NIT2: variants seen among roughly 807,000 people sequenced by gnomAD.
NIT2 encodes the protein omega-amidase NIT2.
A neutral mutation model predicts 42.7 loss-of-function variants in NIT2; 46 were observed. The ratio of observed to expected loss-of-function variants is 1.08; its 90% CI spans 0.85 to 1.38. The LOEUF is 1.38. NIT2 is among the 40% of genes most tolerant of loss of function. NIT2 has a pLI of 0.00. For synonymous variants in NIT2, 123 were observed against 121.9 expected (o/e 1.01, Z -0.06); for missense variants, 309 against 342.5 (o/e 0.90, Z 0.77).
chr3:100,334,850 T>A, intron 1 of NIT2, 52 bp downstream of exon 1: 2 of 1,290,900 alleles, frequency 1.5e-6, no homozygotes, highest in Non-Finnish European at 9.8e-7. Context: ...CGGGGGAGGC[T>A]TTGGAGCGGC....
In NIT2 at chr3:100,348,794, C is replaced by A. The variant is rs780714034; in HGVS notation, c.506-9C>A. On this transcript the variant is annotated splice_polypyrimidine_tract_variant and intron_variant, in intron 6 of 9. Coordinates refer to ENST00000394140, the MANE Select transcript of NIT2 (RefSeq NM_020202.5). Reference sequence around the variant, plus strand: ...GCATCCACTGTTCTTTGGCTTTTCTCTCCCCAAGGCTGCCAGCTGTTGGTA... The same window carrying A: ...GCATCCACTGTTCTTTGGCTTTTCTATCCCCAAGGCTGCCAGCTGTTGGTA... The A allele has an allele frequency of 4.3e-6, 7 of 1,613,564 alleles. No homozygotes were observed. In the Admixed American group the frequency reaches 1.2e-4, roughly 27 times the overall value.
At chr3:100,354,985 C>T (rs1394752235) in intron 9 of NIT2, among the ~76,000 whole-genome samples, 158 bp downstream of exon 9, 2 of 152,108 alleles carry the variant, frequency 1.3e-5, no homozygotes, top group Admixed American at 1.3e-4. Context: ...TGGCCAATCC[C>T]TGGGGAGTGT....
chr3:100,340,767 T>C (rs1706140617), intron 3 of NIT2, among the ~76,000 whole-genome samples: 1 of 152,192 alleles, frequency 6.6e-6, no homozygotes, highest in Non-Finnish European at 1.5e-5. Context: ...AGGAACAGTT[T>C]GGTTATTTTT....
chr3:100,342,248 A>G (rs769172153), intron 4 of NIT2, among the ~76,000 whole-genome samples: 8 of 152,060 alleles, frequency 5.3e-5, no homozygotes, highest in Admixed American at 6.6e-5. Context: ...TTCTCAAGCT[A>G]TATGTGTTTT....
Position 100,357,322 on chromosome 3 carries a change from T to G in NIT2, c.*2054T>G, listed in dbSNP as rs865841115. Reference sequence around the variant, plus strand: ...TTTTTAAAAATATATTTTCTTACTTTTATATATTTTACTCAATCTCATGAC... The same window carrying G: ...TTTTTAAAAATATATTTTCTTACTTGTATATATTTTACTCAATCTCATGAC... On this transcript the variant is annotated 3_prime_UTR_variant, in exon 10 of 10. Coordinates refer to ENST00000394140, the MANE Select transcript of NIT2 (RefSeq NM_020202.5). 2 of 152,164 alleles carry G rather than the reference T, an allele frequency of 1.3e-5. No homozygotes were observed. Among genetic ancestry groups the G allele is most frequent in the Non-Finnish European group, 2.9e-5 (2 of 68,020 alleles). The allele number at this position is 152,164 out of a possible 1,614,324, so 9.4% of individuals were successfully genotyped here.
At chr3:100,341,597 T>C (rs1325138116) in intron 4 of NIT2, among the ~76,000 whole-genome samples, 4 of 151,894 alleles carry the variant, frequency 2.6e-5, no homozygotes, top group Admixed American at 6.6e-5. Context: ...CTCAATCTCC[T>C]GACCTCATGA....
At chr3:100,334,973 C>G (rs1244582720) in intron 1 of NIT2, 175 bp downstream of exon 1, 1 of 617,066 alleles carries the variant, frequency 1.6e-6, no homozygotes, top group Admixed American at 3.9e-5. Context: ...GGCGGCCGGG[C>G]GCACTCCCGG....
intron 3 of NIT2, among the ~76,000 whole-genome samples, chr3:100,340,291 C>G (rs1386826097): frequency 6.6e-6 from 1 of 152,062 alleles, no homozygotes; most frequent in Non-Finnish European, 1.5e-5. Flanking sequence ...GTTTTGAACT[C>G]CTAGGCTCAA....
chr3:100,337,258 A>G (rs957581483), intron 1 of NIT2, among the ~76,000 whole-genome samples: 6 of 152,182 alleles, frequency 3.9e-5, no homozygotes, highest in Admixed American at 2.0e-4. Flanking sequence ...ACACAGACAC[A>G]GTAATAATCT....
intron 7 of NIT2, among the ~76,000 whole-genome samples, chr3:100,351,813 G>A (rs1241398135): frequency 1.3e-5 from 2 of 152,136 alleles, no homozygotes; most frequent in Non-Finnish European, 2.9e-5. Context: ...CCATCAGAGT[G>A]AATAGGCAAC....
chr3:100,350,977 AT>A (rs1224672235), intron 7 of NIT2, among the ~76,000 whole-genome samples: 1 of 152,018 alleles, frequency 6.6e-6, no homozygotes, highest in Non-Finnish European at 1.5e-5. Flanking sequence ...TGTGCTTGCA[AT>A]AGTTTACTGA....
At chr3:100,342,561 G>T (rs1346491090) in intron 4 of NIT2, among the ~76,000 whole-genome samples, 1 of 146,406 alleles carries the variant, frequency 6.8e-6, no homozygotes. Flanking sequence ...ATTATCATAT[G>T]CATCCTTAAC....
In NIT2 at chr3:100,352,499, C is replaced by G. The variant is rs564454596; in HGVS notation, c.680C>G (p.Pro227Arg). Reference sequence around the variant, plus strand: ...TGGGGACACAGCACCGTGGTGAACCCTTGGTGAGTAAGGCTAAGTGAGAAT... The same window carrying G: ...TGGGGACACAGCACCGTGGTGAACCGTTGGTGAGTAAGGCTAAGTGAGAAT... ...VAWGHSTVVNPWGEVLAKAGT... is the reference protein window; with the variant it reads ...VAWGHSTVVNRWGEVLAKAGT... The change falls in exon 8 of 10, where the codon CCT becomes CGT. Residue 227 changes from proline to arginine, a missense_variant. Coordinates refer to ENST00000394140, the MANE Select transcript of NIT2 (RefSeq NM_020202.5). The G allele has an allele frequency of 1.2e-6, 2 of 1,611,898 alleles. No individual in the cohort carries two copies. Among genetic ancestry groups the G allele is most frequent in the South Asian group, 2.2e-5 (2 of 91,012 alleles).
At chr3:100,351,125 G>T (rs1290031176) in intron 7 of NIT2, among the ~76,000 whole-genome samples, 2 of 152,068 alleles carry the variant, frequency 1.3e-5, no homozygotes, top group African/African-American at 4.8e-5. Context: ...ATTTGGGTTG[G>T]TTCCAAGTCT....
chr3:100,346,156 T>G, intron 5 of NIT2, 25 bp from the exon 6 acceptor site: 3 of 1,607,152 alleles, frequency 1.9e-6, no homozygotes, highest in Non-Finnish European at 2.6e-6. Flanking sequence ...AACTTTTCAT[T>G]TGTGCATTTT....
chr3:100,353,152 T>C (rs2148884904), intron 8 of NIT2, among the ~76,000 whole-genome samples: 1 of 152,352 alleles, frequency 6.6e-6, no homozygotes, highest in Non-Finnish European at 1.5e-5. Context: ...TTATAGATGG[T>C]AGAATTACAG....
At chr3:100,355,148 T>A in intron 9 of NIT2, 29 bp from the exon 10 acceptor site, 1 of 1,555,412 alleles carries the variant, frequency 6.4e-7, no homozygotes, top group Non-Finnish European at 8.9e-7. Flanking sequence ...TTGCAAATTA[T>A]TAATAGTGCA....
At chr3:100,353,779 T>TTC (rs200293600) in intron 8 of NIT2, among the ~76,000 whole-genome samples, 3,582 of 148,402 alleles carry the variant, frequency 0.024, 81 homozygotes, top group Middle Eastern at 0.033. Context: ...TCTTTTTTCT[T>TTC]TTTTTTTTTT....
chr3:100,339,037 T>C, intron 1 of NIT2, 50 bp from the exon 2 acceptor site: 1 of 1,271,192 alleles, frequency 7.9e-7, no homozygotes, highest in East Asian at 2.3e-5. Context: ...TCTGTCTGAA[T>C]CCAGCAGTTC....
Sources: gnomAD v4.1 joint callset for allele counts (sites outside exome capture counted in the v4.1 genomes callset) on GRCh38, gnomAD v4.1.1 for gene constraint, MANE v1.5 for transcripts, NCBI Gene and HGNC (gene_info 2026-07-23, HGNC 2026-07-21) for gene names.